Variants in WARS2 observed in about 807,000 individuals in gnomAD.
WARS2 encodes the protein tryptophan--tRNA ligase, mitochondrial.
In WARS2, 28 loss-of-function variants were observed where a neutral mutation model predicts 36.5. The ratio of observed to expected loss-of-function variants is 0.77; its 90% CI spans 0.57 to 1.05. The LOEUF is 1.05. Ranked by LOEUF, WARS2 falls within the 50% of genes least tolerant of loss-of-function variation. WARS2 has a pLI of 0.00. For synonymous variants in WARS2, 174 were observed against 178.4 expected, an observed-to-expected ratio of 0.98 and a Z score of 0.20; for missense variants, 435 against 456.8, an observed-to-expected ratio of 0.95 and a Z score of 0.44.
At position 119,131,458 on chromosome 1, in the gene WARS2, G is replaced by GTTTTTT. The variant is rs761800862; in HGVS notation, c.90+9091_90+9096dup. Among the ~76,000 whole-genome samples the GTTTTTT allele has an allele frequency of 1.6e-4, 22 of 134,300 alleles. 2 individuals carry two copies. The highest frequency in any genetic ancestry group is 2.4e-4 in the South Asian group (1 of 4,156). The allele number at this position is 134,300 out of a possible 152,430, so 88.1% of individuals were successfully genotyped here. A position where few individuals can be genotyped will look rare whatever the true frequency, so the allele number is the denominator to read the frequency against. ...GGATCCGGACTGTGCAAAGTTTTTT[G>GTTTTTT]TTTTTTGTTTTTTTTTTTTTTGAGA... On this transcript the variant is annotated intron_variant, in intron 1 of 5. Coordinates refer to ENST00000235521, the MANE Select transcript of WARS2 (RefSeq NM_015836.4).
intron 4 of WARS2, among the ~76,000 whole-genome samples, chr1:119,037,775 T>C (rs1037460010): frequency 1.3e-5 from 2 of 152,316 alleles, no homozygotes; most frequent in African/African-American, 4.8e-5. Context: ...AAGTCAGAAA[T>C]ATCGGGTCAT....
intron 1 of WARS2, among the ~76,000 whole-genome samples, chr1:119,117,023 T>C (rs1174765808): frequency 6.6e-6 from 1 of 152,192 alleles, no homozygotes; most frequent in Non-Finnish European, 1.5e-5. Flanking sequence ...GGGAGGCTTT[T>C]AGGCTAAGGC....
intron 1 of WARS2, among the ~76,000 whole-genome samples, chr1:119,103,392 T>A (rs949351782): frequency 1.3e-5 from 2 of 152,138 alleles, no homozygotes; most frequent in African/African-American, 4.8e-5. Context: ...ACATTTGGAT[T>A]TGGGTCAAGA....
intron 1 of WARS2, chr1:119,085,289 C>T: frequency 9.3e-7 from 1 of 1,073,674 alleles, no homozygotes; most frequent in Non-Finnish European, 1.4e-6. Context: ...CAGTCCTGGC[C>T]TTGGGGAGCT....
At chr1:119,097,930 T>G (rs775731851) in intron 1 of WARS2, among the ~76,000 whole-genome samples, 1 of 152,142 alleles carries the variant, frequency 6.6e-6, no homozygotes, top group Non-Finnish European at 1.5e-5. Flanking sequence ...AAATTATCCC[T>G]TCTCAGACTG....
intron 1 of WARS2, among the ~76,000 whole-genome samples, chr1:119,077,320 G>A (rs1199618541): frequency 6.6e-6 from 1 of 152,028 alleles, no homozygotes; most frequent in Non-Finnish European, 1.5e-5. Context: ...GAGGTTTGGT[G>A]GTCAACGAGG....
Position 119,031,870 on chromosome 1 carries a change from T to C in WARS2, c.*1041A>G, listed in dbSNP as rs1647454162. 1 of 152,556 alleles carries C rather than the reference T, an allele frequency of 6.6e-6. No homozygotes were observed. The highest frequency in any genetic ancestry group is 2.4e-5 in the African/African-American group (1 of 41,436). The allele number at this position is 152,556 out of a possible 1,614,324, so 9.5% of individuals were successfully genotyped here. A position where few individuals can be genotyped will look rare whatever the true frequency, so the allele number is the denominator to read the frequency against. On this transcript the variant is annotated 3_prime_UTR_variant, in exon 6 of 6. Transcript: ENST00000235521. ...TTGGGACCCGCCTTGGGGATTTTGA[T>C]GGGGAAATGTGACCACGGTTCTGTG...
chr1:119,085,885 C>T lies in WARS2; in HGVS notation c.91-9278G>A, dbSNP rs931500836. On this transcript the variant is annotated intron_variant, in intron 1 of 5. Transcript: ENST00000235521. ...TACTCGGAGTGCCAGGACACCTTATCGGCCACCCCAAGCTGGACCTCTCGC... is the reference window on the plus strand; with the variant it reads ...TACTCGGAGTGCCAGGACACCTTATTGGCCACCCCAAGCTGGACCTCTCGC... 6.6e-5 allele frequency: 106 copies of T among 1,610,584 alleles called. No individual in the cohort carries two copies. The African/African-American group carries it at 1.0e-3, about 16-fold the overall frequency.
chr1:119,066,441 G>A (rs1650871369), intron 2 of WARS2, among the ~76,000 whole-genome samples: 1 of 136,776 alleles, frequency 7.3e-6, no homozygotes, highest in African/African-American at 2.8e-5. Flanking sequence ...TCATGCCATT[G>A]CACTCCAGCA....
At chr1:119,085,266 C>G in intron 1 of WARS2, 1 of 947,686 alleles carries the variant, frequency 1.1e-6, no homozygotes, top group South Asian at 1.3e-5. Context: ...GTTCTCTGCC[C>G]AACCAGAGTA....
At chr1:119,138,416 T>A (rs1403225750) in intron 1 of WARS2, among the ~76,000 whole-genome samples, 2 of 152,180 alleles carry the variant, frequency 1.3e-5, no homozygotes, top group Non-Finnish European at 2.9e-5. Flanking sequence ...AAGATCTGTA[T>A]AAAGATTTAT....
At chr1:119,097,428 T>C (rs1420099842) in intron 1 of WARS2, among the ~76,000 whole-genome samples, 1 of 152,218 alleles carries the variant, frequency 6.6e-6, no homozygotes, top group Non-Finnish European at 1.5e-5. Context: ...CTCCATGAAT[T>C]GTATACTTCT....
intron 1 of WARS2, among the ~76,000 whole-genome samples, chr1:119,093,007 G>C (rs1653150748): frequency 6.6e-6 from 1 of 152,100 alleles, no homozygotes; most frequent in African/African-American, 2.4e-5. Flanking sequence ...GCATTTAAAA[G>C]TAATGAATCT....
chr1:119,094,524 T>C (rs1557976152), intron 1 of WARS2, among the ~76,000 whole-genome samples: 1 of 152,322 alleles, frequency 6.6e-6, no homozygotes, highest in Admixed American at 6.5e-5. Context: ...CTTTAAATTT[T>C]CTTTGAAGCT....
At chr1:119,085,531 A>G in intron 1 of WARS2, 3 of 1,606,374 alleles carry the variant, frequency 1.9e-6, no homozygotes, top group Non-Finnish European at 2.5e-6. Flanking sequence ...AAACTTGGTG[A>G]GGGGGTACGA....
At chr1:119,116,205 GTAGT>G in intron 1 of WARS2, among the ~76,000 whole-genome samples, 1 of 152,314 alleles carries the variant, frequency 6.6e-6, no homozygotes, top group African/African-American at 2.4e-5. Flanking sequence ...GACCAGCTTT[GTAGT>G]TAGTAAGTGG....
At chr1:119,135,751 TAGAGAGATAG>T (rs1365214939) in intron 1 of WARS2, among the ~76,000 whole-genome samples, 89 of 109,282 alleles carry the variant, frequency 8.1e-4, no homozygotes, top group African/African-American at 2.6e-3. Flanking sequence ...GATAGATAGA[TAGAGAGATAG>T]AGAGAGAGAG....
At chr1:119,069,279 T>C (rs1651119150) in intron 2 of WARS2, among the ~76,000 whole-genome samples, 1 of 152,192 alleles carries the variant, frequency 6.6e-6, no homozygotes, top group Non-Finnish European at 1.5e-5. Context: ...TACTTGTAAA[T>C]AATTGTGTGA....
intron 1 of WARS2, chr1:119,085,638 G>A: frequency 2.8e-6 from 4 of 1,428,518 alleles, no homozygotes; most frequent in East Asian, 2.3e-5. Context: ...CACTCGGATA[G>A]TTCTTCCTTT....
Sources: gnomAD v4.1 joint callset for allele counts (sites outside exome capture counted in the v4.1 genomes callset) on GRCh38, gnomAD v4.1.1 for gene constraint, MANE v1.5 for transcripts, NCBI Gene and HGNC (gene_info 2026-07-23, HGNC 2026-07-21) for gene names.